The following KLRB1 variants were observed in gnomAD, a reference collection of about 807,000 sequenced individuals.
KLRB1 encodes killer cell lectin like receptor B1.
Under a neutral mutation model 33.5 loss-of-function variants are expected in KLRB1, and 27 were observed. The observed-to-expected ratio is 0.81, with a 90% CI of 0.59 to 1.11. KLRB1 has a LOEUF of 1.11. Among genes scored for constraint, KLRB1 ranks in the 50% most tolerant of loss-of-function variants. The probability of loss-of-function intolerance (pLI) is 0.00; values close to 1 mark genes in which losing one functional copy is unlikely to be tolerated. For synonymous variants in KLRB1, 64 were observed against 88.9 expected, an observed-to-expected ratio of 0.72 and a Z score of 1.58; for missense variants, 241 against 254.1, an observed-to-expected ratio of 0.95 and a Z score of 0.35.
chr12:9,599,900 A>G (rs1384344814), intron 2 of KLRB1, 59 bp from the exon 3 acceptor site: 19 of 934,712 alleles, frequency 2.0e-5, no homozygotes, highest in Middle Eastern at 2.2e-4. Flanking sequence ...GAGTGGATAT[A>G]TTATATTTGT....
chr12:9,595,470 G>A lies in KLRB1; in HGVS notation c.531-49C>T, dbSNP rs749873324. On this transcript the variant is annotated intron_variant, in intron 5 of 5. Transcript: ENST00000229402. ...TCTTAGCATTTATGATTTTCTCAGAGCTATTCTCACTTAGCCATTATTTCC... is the reference window on the plus strand; with the variant it reads ...TCTTAGCATTTATGATTTTCTCAGAACTATTCTCACTTAGCCATTATTTCC... 2.0e-5 allele frequency: 32 copies of A among 1,566,880 alleles called. 1 individual carries two copies. The South Asian group carries it at 3.5e-4, about 17-fold the overall frequency.
chr12:9,606,672 T>A (rs1864603493), intron 1 of KLRB1, among the ~76,000 whole-genome samples: 1 of 96,368 alleles, frequency 1.0e-5, no homozygotes. Flanking sequence ...ATAAAATATA[T>A]AAAATATATG....
chr12:9,600,068 G>T (rs1041082410), intron 2 of KLRB1, among the ~76,000 whole-genome samples: 5 of 151,956 alleles, frequency 3.3e-5, no homozygotes, highest in African/African-American at 1.2e-4. Context: ...CAGCCATTAG[G>T]TTGCCTGTAT....
intron 1 of KLRB1, among the ~76,000 whole-genome samples, chr12:9,607,413 C>CTTTT (rs879519394): frequency 2.8e-5 from 2 of 70,582 alleles, no homozygotes; most frequent in African/African-American, 4.0e-5. Flanking sequence ...TCTTTTCTTT[C>CTTTT]TTTCTTTCTT....
At chr12:9,601,415 G>C (rs150568392) in intron 2 of KLRB1, 86 bp downstream of exon 2, 43,307 of 968,136 alleles carry the variant, frequency 0.045, 1,410 homozygotes, top group African/African-American at 0.15. Context: ...AGGTGTGTAG[G>C]GGCAACCCAC....
At chr12:9,595,458 G>T in intron 5 of KLRB1, 37 bp from the exon 6 acceptor site, 1 of 1,592,920 alleles carries the variant, frequency 6.3e-7, no homozygotes, top group Non-Finnish European at 8.6e-7. Context: ...TAGCATTTAT[G>T]ATTTTCTCAG....
chr12:9,607,409 C>CTTTCT (rs1864632583), intron 1 of KLRB1, among the ~76,000 whole-genome samples: 1 of 88,108 alleles, frequency 1.1e-5, no homozygotes, highest in Non-Finnish European at 2.4e-5. Flanking sequence ...TCTTTCTTTT[C>CTTTCT]TTTCTTTCTT....
intron 1 of KLRB1, among the ~76,000 whole-genome samples, chr12:9,605,073 T>C (rs1864585021): frequency 6.6e-6 from 1 of 152,112 alleles, no homozygotes; most frequent in Admixed American, 6.5e-5. Flanking sequence ...CCACTATGAG[T>C]GAGAATATGC....
chr12:9,607,703 A>T (rs1864639202), intron 1 of KLRB1, 52 bp downstream of exon 1: 2 of 1,153,612 alleles, frequency 1.7e-6, no homozygotes, highest in Non-Finnish European at 2.6e-6. Flanking sequence ...TAACAGGAAG[A>T]TCTAATTCTG....
intron 1 of KLRB1, among the ~76,000 whole-genome samples, chr12:9,604,595 TTGG>T (rs1424179574): frequency 6.6e-6 from 1 of 152,160 alleles, no homozygotes; most frequent in Non-Finnish European, 1.5e-5. Flanking sequence ...TTTGCACTTG[TTGG>T]TCACCTTCCT....
At chr12:9,607,354 T>G (rs745775231) in intron 1 of KLRB1, among the ~76,000 whole-genome samples, 1 of 89,560 alleles carries the variant, frequency 1.1e-5, no homozygotes, top group Non-Finnish European at 2.2e-5. Flanking sequence ...CTTTCTTTCT[T>G]CCTTTCTTTC....
At chr12:9,604,713 T>C (rs1945936792) in intron 1 of KLRB1, among the ~76,000 whole-genome samples, 1 of 152,200 alleles carries the variant, frequency 6.6e-6, no homozygotes, top group Non-Finnish European at 1.5e-5. Flanking sequence ...TTCTGTTTGA[T>C]ATGCTACCCT....
chr12:9,595,721 C>T (rs1225614514), intron 5 of KLRB1, among the ~76,000 whole-genome samples: 1 of 152,104 alleles, frequency 6.6e-6, no homozygotes, highest in Non-Finnish European at 1.5e-5. Context: ...GTTCTACTAA[C>T]AGGTCACATT....
At chr12:9,603,498 C>T (rs1248307215) in intron 1 of KLRB1, among the ~76,000 whole-genome samples, 1 of 152,058 alleles carries the variant, frequency 6.6e-6, no homozygotes, top group Non-Finnish European at 1.5e-5. Context: ...AATCTCAGCT[C>T]ACCGCAACCT....
intron 2 of KLRB1, among the ~76,000 whole-genome samples, chr12:9,601,055 A>AG: frequency 9.6e-6 from 1 of 103,988 alleles, no homozygotes; most frequent in South Asian, 4.3e-4. Context: ...TTAGGGCTGG[A>AG]GGTAGGACCT....
intron 2 of KLRB1, among the ~76,000 whole-genome samples, chr12:9,600,951 A>C (rs1864534855): frequency 6.6e-6 from 1 of 151,232 alleles, no homozygotes; most frequent in Non-Finnish European, 1.5e-5. Context: ...AGACAAGAGG[A>C]AGGCATCTGT....
At chr12:9,604,413 G>T (rs1864577886) in intron 1 of KLRB1, among the ~76,000 whole-genome samples, 1 of 149,576 alleles carries the variant, frequency 6.7e-6, no homozygotes, top group Non-Finnish European at 1.5e-5. Flanking sequence ...CTCTGGTTTT[G>T]TTGACTGCCT....
chr12:9,603,053 G>A (rs879373902), intron 1 of KLRB1, among the ~76,000 whole-genome samples: 32 of 152,238 alleles, frequency 2.1e-4, no homozygotes, highest in Admixed American at 5.2e-4. Flanking sequence ...AATACACTGG[G>A]GTCAGGGTTG....
At position 9,599,785 on chromosome 12, in the gene KLRB1, T is replaced by G. The variant is rs750287572; in HGVS notation, c.241A>C (p.Ser81Arg). 7 of 1,602,688 alleles carry G rather than the reference T, an allele frequency of 4.4e-6. No homozygotes were observed. Among genetic ancestry groups the G allele is most frequent in the Non-Finnish European group, 5.1e-6 (6 of 1,169,940 alleles). The part of the protein sequence containing the change: ...IEKCSVDIQQ[S>R]RNKTTERPGL... ...CAATTACCTGTTGTTTTATTCCTGCTCTGTTGAATGTCCACACTGCATTTT... is the reference window on the plus strand; with the variant it reads ...CAATTACCTGTTGTTTTATTCCTGCGCTGTTGAATGTCCACACTGCATTTT... The change falls in exon 3 of 6, where the codon AGC (serine) becomes CGC (arginine). Residue 81 changes from serine to arginine, a missense_variant. By Grantham distance (110) the Ser-to-Arg change is moderately radical. Coordinates refer to ENST00000229402, the MANE Select transcript of KLRB1 (RefSeq NM_002258.3).
Sources: allele counts gnomAD v4.1 joint callset (sites outside exome capture counted in the v4.1 genomes callset), GRCh38; gene constraint gnomAD v4.1.1; transcripts MANE v1.5; gene names NCBI Gene and HGNC (gene_info 2026-07-23, HGNC 2026-07-21).